Variants in TAOK2 observed in about 807,000 individuals in gnomAD.
TAOK2 encodes the protein TAO kinase 2.
A neutral mutation model predicts 122.5 loss-of-function variants in TAOK2; 42 were observed. The observed-to-expected ratio is 0.34, with a 90% confidence interval of 0.27 to 0.44. The LOEUF is 0.44. TAOK2 is among the 20% of genes least tolerant of loss of function. The pLI, the probability that TAOK2 is intolerant of heterozygous loss-of-function variation, is 1.00. For synonymous variants in TAOK2, 704 were observed against 677.6 expected (o/e 1.04, Z -0.61); for missense variants, 1,264 against 1,644.9 (o/e 0.77, Z 4.01).
intron 4 of TAOK2, 87 bp from the exon 5 acceptor site, chr16:29,978,712 A>G (rs2069530529): frequency 6.6e-7 from 1 of 1,504,474 alleles, no homozygotes; most frequent in Non-Finnish European, 9.2e-7. Context: ...CCCCGGGGAC[A>G]TAGCTTGAGT....
Position 29,974,116 on chromosome 16 carries a change from G to T in TAOK2, c.-568G>T, listed in dbSNP as rs1263712592. 6.6e-6 allele frequency: 1 copy of T among 152,262 alleles called. No individual in the cohort carries two copies. Among genetic ancestry groups the T allele is most frequent in the African/African-American group, 2.4e-5 (1 of 41,454 alleles). The allele number at this position is 152,262 out of a possible 1,614,324, so 9.4% of individuals were successfully genotyped here. On this transcript the variant is annotated 5_prime_UTR_variant, in exon 1 of 16. Transcript: ENST00000308893. ...GGGCCGTGCGGCCGGACGTCCTCGGGGTGGGCCCCCAGTCGGTGGCCGAAG... is the reference window on the plus strand; with the variant it reads ...GGGCCGTGCGGCCGGACGTCCTCGGTGTGGGCCCCCAGTCGGTGGCCGAAG...
Position 29,977,745 on chromosome 16 carries a change from C to T in TAOK2, c.-28C>T. 1 of 1,613,308 alleles carries T rather than the reference C, an allele frequency of 6.2e-7. No individual in the cohort carries two copies. Among genetic ancestry groups the T allele is most frequent in the Non-Finnish European group, 8.5e-7 (1 of 1,179,698 alleles). On this transcript the variant is annotated 5_prime_UTR_variant, in exon 2 of 16. Transcript: ENST00000308893. ...CCCATTTCCATTCCTCAGGCCAGGC[C>T]CCACTCTCAGGGCCCCCAGGGGCCA...
At position 29,988,182 on chromosome 16, in the gene TAOK2, C is replaced by A. The variant is rs58072678; in HGVS notation, c.*202C>A. 4.2e-6 allele frequency: 6 copies of A among 1,431,728 alleles called. No individual in the cohort carries two copies. The East Asian group carries it at 1.5e-4, about 36-fold the overall frequency. 88.7% of individuals were successfully genotyped at this position (1,431,728 alleles called of 1,614,324 possible). Reference sequence around the variant, plus strand: ...CAGCAGTCACTCTGTGTTCTCCTGGCGCTCCTCCCCTAAGTTATTGCTGTT... The same window carrying A: ...CAGCAGTCACTCTGTGTTCTCCTGGAGCTCCTCCCCTAAGTTATTGCTGTT... On this transcript the variant is annotated 3_prime_UTR_variant, in exon 16 of 16. Transcript: ENST00000308893.
rs200094589 is a variant in TAOK2 at position 29,987,351 on chromosome 16, G to A, written c.3079G>A (p.Gly1027Arg). The change falls in exon 16 of 16, where the codon GGG becomes AGG. Residue 1027 changes from glycine (G) to arginine (R), a missense_variant. Physicochemically the swap from Gly to Arg is moderately radical, Grantham distance 125. Around this residue, in one of 4 missense-constraint regions of TAOK2, gnomAD observed 824 missense variants for 908.7 expected, o/e 0.91. Transcript: ENST00000308893. ...FLLLAQGTAL[G>R]AVLGLSWRRG... is the part of the protein sequence containing the mutation. ...ACTCCTGGCCCAGGGTACCGCACTG[G>A]GGGCCGTCCTGGGCCTGAGCTGGCG... 6.4e-7 allele frequency: 1 copy of A among 1,572,436 alleles called. No homozygotes were observed. The highest frequency in any genetic ancestry group is 1.9e-5 in the Admixed American group (1 of 53,468).
Position 29,985,053 on chromosome 16 carries a change from A to G in TAOK2, c.1423-160A>G. ...GATGTAGATAATATCACCATTATCC[A>G]GTTGAGGAAACAGGCTAGAGTGGCC... is the stretch of plus-strand genomic sequence containing the variant. On this transcript the variant is annotated intron_variant, in intron 13 of 15. Coordinates refer to ENST00000308893, the MANE Select transcript of TAOK2 (RefSeq NM_016151.4). The surrounding 1 kb of genome is among the most constrained non-coding windows in gnomAD (Gnocchi z 6.9). 1 of 899,176 alleles carries G rather than the reference A, an allele frequency of 1.1e-6. No individual in the cohort carries two copies. The highest frequency in any genetic ancestry group is 1.7e-5 in the African/African-American group (1 of 58,830). The allele number at this position is 899,176 out of a possible 1,614,324, so 55.7% of individuals were successfully genotyped here.
In TAOK2 at chr16:29,986,497, G is replaced by A. The variant is rs776001863; in HGVS notation, c.2225G>A (p.Ser742Asn). The part of the protein sequence containing the change: ...HAAQVRQQPK[S>N]LKVRAGQRPP... ...GCCCAGGTTCGCCAGCAGCCCAAGA[G>A]CCTCAAAGTACGTGCAGGCCAGCGC... The change falls in exon 16 of 16, where the codon AGC (serine) becomes AAC (asparagine). Residue 742 changes from serine (S) to asparagine (N), a missense_variant. By Grantham distance (46) the Ser-to-Asn change is conservative (BLOSUM62 1). Coordinates refer to ENST00000308893, the MANE Select transcript of TAOK2 (RefSeq NM_016151.4). The surrounding 1 kb of genome is among the most constrained non-coding windows in gnomAD (Gnocchi z 4.2). 9 of 1,608,992 alleles carry A rather than the reference G, an allele frequency of 5.6e-6. No homozygotes were observed. The highest frequency in any genetic ancestry group is 7.6e-6 in the Non-Finnish European group (9 of 1,177,486).
chr16:29,990,933 G>C (rs1255032250), downstream of TAOK2: 2 of 1,613,302 alleles, frequency 1.2e-6, no homozygotes, highest in Admixed American at 3.3e-5. Flanking sequence ...TGGAGCAGAG[G>C]GTCGCGCTGC....
In TAOK2 at chr16:29,974,320, G is replaced by C. The variant is rs527769170; in HGVS notation, c.-364G>C. The C allele has an allele frequency of 6.5e-6, 1 of 152,690 alleles. No homozygotes were observed. The highest frequency in any genetic ancestry group is 2.4e-5 in the African/African-American group (1 of 41,466). The allele number at this position is 152,690 out of a possible 1,614,324, so 9.5% of individuals were successfully genotyped here. A position where few individuals can be genotyped will look rare whatever the true frequency, so the allele number is the denominator to read the frequency against. Reference sequence around the variant, plus strand: ...CAGGTTCAGGCCCCTGCGTGCACCAGTATCCGGGGTTCATTCCCCGGGCGT... The same window carrying C: ...CAGGTTCAGGCCCCTGCGTGCACCACTATCCGGGGTTCATTCCCCGGGCGT... On this transcript the variant is annotated 5_prime_UTR_variant, in exon 1 of 16. Coordinates refer to ENST00000308893, the MANE Select transcript of TAOK2 (RefSeq NM_016151.4).
intron 1 of TAOK2, among the ~76,000 whole-genome samples, chr16:29,977,002 T>G (rs184069678): frequency 6.6e-6 from 1 of 152,302 alleles, no homozygotes; most frequent in East Asian, 1.9e-4. Flanking sequence ...GAGGACTGAA[T>G]AGAGATAATG....
At chr16:29,980,085 A>C (rs2069570013) in intron 8 of TAOK2, among the ~76,000 whole-genome samples, 1 of 152,194 alleles carries the variant, frequency 6.6e-6, no homozygotes, top group Admixed American at 6.5e-5. Context: ...GGGAACTGGG[A>C]CTAGCTTCAG....
At chr16:29,989,539 T>G, downstream of TAOK2, 1 of 1,605,752 alleles carries the variant, frequency 6.2e-7, no homozygotes. Flanking sequence ...TTCCTCCTCT[T>G]CCTCCTCCTC....
rs1245457402 is a variant in TAOK2 at position 29,986,523 on chromosome 16, C to T, written c.2251C>T (p.Pro751Ser). The change falls in exon 16 of 16, where the codon CCC (proline) becomes TCC (serine). Residue 751 changes from proline to serine, a missense_variant. Physicochemically the swap from Pro to Ser is moderately conservative, Grantham distance 74. Around this residue, in one of 4 missense-constraint regions of TAOK2, gnomAD observed 824 missense variants for 908.7 expected, o/e 0.91. Coordinates refer to ENST00000308893, the MANE Select transcript of TAOK2 (RefSeq NM_016151.4). The surrounding 1 kb of genome is among the most constrained non-coding windows in gnomAD (Gnocchi z 4.2). ...CCTCAAAGTACGTGCAGGCCAGCGC[C>T]CCCCGGGCCTTCCACTCCCCATTCC... ...KSLKVRAGQR[P>S]PGLPLPIPGA... The T allele has an allele frequency of 9.3e-6, 15 of 1,612,296 alleles. No individual in the cohort carries two copies. The Admixed American group carries it at 2.5e-4, about 27-fold the overall frequency.
At position 29,981,666 on chromosome 16, in the gene TAOK2, C is replaced by T. The variant is rs753383907; in HGVS notation, c.661C>T (p.Arg221Trp). Residue 221 changes from arginine to tryptophan, a missense_variant, in exon 9 of 16, where the codon CGG (arginine) becomes TGG (tryptophan). Coordinates refer to ENST00000308893, the MANE Select transcript of TAOK2 (RefSeq NM_016151.4). Reference protein sequence around the residue: ...LGITCIELAERKPPLFNMNAM... With the variant: ...LGITCIELAEWKPPLFNMNAM... ...CCTTTCACCTTTTTCTGTAGCTGAA[C>T]GGAAACCACCGCTCTTTAACATGAA... 8 of 1,614,118 alleles carry T rather than the reference C, an allele frequency of 5.0e-6. No individual in the cohort carries two copies. Among genetic ancestry groups the T allele is most frequent in the Non-Finnish European group, 5.1e-6 (6 of 1,179,986 alleles).
Position 29,987,499 on chromosome 16 carries a change from G to A in TAOK2, c.3227G>A (p.Arg1076Gln), listed in dbSNP as rs753157774. Reference sequence around the variant, plus strand: ...AGATGGGTGCGGCAGCAGGGCCCCCGGGTGCGCCGGGGCATATCTCGACTC... The same window carrying A: ...AGATGGGTGCGGCAGCAGGGCCCCCAGGTGCGCCGGGGCATATCTCGACTC... The part of the protein sequence containing the change: ...GGRWVRQQGP[R>Q]VRRGISRLWL... Residue 1076 changes from arginine (R) to glutamine (Q), a missense_variant, in exon 16 of 16, where the codon CGG (arginine) becomes CAG (glutamine). Arg to Gln is a conservative substitution (Grantham distance 43). Around this residue, in one of 4 missense-constraint regions of TAOK2, gnomAD observed 824 missense variants for 908.7 expected, o/e 0.91. Transcript: ENST00000308893. The A allele has an allele frequency of 1.7e-5, 27 of 1,598,630 alleles. 1 individual carries two copies. Among genetic ancestry groups the A allele is most frequent in the African/African-American group, 4.0e-5 (3 of 74,434 alleles).
downstream of TAOK2, chr16:29,991,254 G>A (rs767772070): frequency 4.3e-6 from 7 of 1,611,718 alleles, no homozygotes; most frequent in East Asian, 2.2e-5. This position sits in a 1 kb window ranked among gnomAD's most constrained non-coding sequence, Gnocchi z 5.6. Flanking sequence ...CTCCCGTCCC[G>A]TTCCCCGTTC....
At position 29,981,695 on chromosome 16, in the gene TAOK2, G is replaced by A. The variant is rs748502097; in HGVS notation, c.690G>A (p.Ala230=). 15 of 1,614,006 alleles carry A rather than the reference G, an allele frequency of 9.3e-6. No individual in the cohort carries two copies. Among genetic ancestry groups the A allele is most frequent in the African/African-American group, 4.0e-5 (3 of 74,874 alleles). The part of the protein sequence containing the change: ...ERKPPLFNMN[A]MSALYHIAQN... The stretch of plus-strand genomic sequence containing the variant: ...AACCACCGCTCTTTAACATGAATGC[G>A]ATGAGTGCCTTATACCACATTGCAC... Residue 230 remains alanine, a synonymous_variant, in exon 9 of 16, where the codon GCG becomes GCA. Transcript: ENST00000308893.
chr16:29,984,994 C>T (rs921858393), intron 13 of TAOK2: 35 of 475,062 alleles, frequency 7.4e-5, no homozygotes, highest in Non-Finnish European at 1.0e-4. Flanking sequence ...GCCCTGTGCT[C>T]GCCACCTTTT....
At position 29,987,253 on chromosome 16, in the gene TAOK2, T is replaced by C. The variant is rs2069833332; in HGVS notation, c.2981T>C (p.Val994Ala). ...CAGGCAGCGCTGCTGGCCCTTGAGG[T>C]GGGGCTGGTGGGTCTGGGGGCCTCC... ...GLQAALLALE[V>A]GLVGLGASYL... Residue 994 changes from valine to alanine, a missense_variant, in exon 16 of 16, where the codon GTG (valine) becomes GCG (alanine). Val to Ala is a moderately conservative substitution (Grantham distance 64). Transcript: ENST00000308893. The C allele has an allele frequency of 6.5e-7, 1 of 1,529,932 alleles. No individual in the cohort carries two copies. The allele number at this position is 1,529,932 out of a possible 1,614,324, so 94.8% of individuals were successfully genotyped here. A position where few individuals can be genotyped will look rare whatever the true frequency, so the allele number is the denominator to read the frequency against.
chr16:29,991,122 G>A, downstream of TAOK2: 1 of 1,606,330 alleles, frequency 6.2e-7, no homozygotes, highest in Non-Finnish European at 8.5e-7. This position sits in a 1 kb window ranked among gnomAD's most constrained non-coding sequence, Gnocchi z 5.6. Context: ...GCAGGCCCGT[G>A]AGATCGAGGC....
Sources: gnomAD v4.1 joint callset for allele counts (sites outside exome capture counted in the v4.1 genomes callset) on GRCh38, gnomAD v4.1.1 for gene constraint, gnomAD v4.1.1 regional missense constraint, Gnocchi (gnomAD v3.1) non-coding constraint, MANE v1.5 for transcripts, NCBI Gene and HGNC (gene_info 2026-07-23, HGNC 2026-07-21) for gene names.